MAGEA11: variants seen among roughly 807,000 people sequenced by gnomAD.
MAGEA11 encodes the protein melanoma-associated antigen 11.
Under a neutral mutation model 8.4 loss-of-function variants are expected in MAGEA11, and 1 was observed. That is an observed-to-expected ratio of 0.12 (90% CI 0.04 to 0.57). The LOEUF (loss-of-function observed/expected upper bound fraction) is 0.57, where lower values mean the gene tolerates loss of function less well. Ranked by LOEUF, MAGEA11 falls within the 20% of genes least tolerant of loss-of-function variation. MAGEA11 has a pLI of 0.91. For synonymous variants in MAGEA11, 127 were observed against 119.3 expected (o/e 1.06, Z -0.42); for missense variants, 209 against 317.3 (o/e 0.66, Z 2.59).
chrX:149,711,201 GATTAA>G (rs1557361872), upstream of MAGEA11, among the ~76,000 whole-genome samples: 1 of 112,273 alleles, frequency 8.9e-6, no homozygotes, highest in Non-Finnish European at 1.9e-5. Context: ...ATAAAGAATG[GATTAA>G]ATTAGAGTAT....
At chrX:149,697,290 A>G (rs186648535) in intron 1 of MAGEA11, among the ~76,000 whole-genome samples, 261 of 110,645 alleles carry the variant, frequency 2.4e-3, no homozygotes, top group African/African-American at 7.8e-3. Context: ...CATTCTTCTC[A>G]CTTGGCACCC....
chrX:149,716,810 A>G lies in MAGEA11; in HGVS notation c.*34A>G. The G allele has an allele frequency of 8.8e-7, 1 of 1,136,900 alleles. No individual in the cohort carries two copies. The highest frequency in any genetic ancestry group is 1.2e-6 in the Non-Finnish European group (1 of 845,623). The allele number at this position is 1,136,900 out of a possible 1,213,427, so 93.7% of individuals were successfully genotyped here. A position where few individuals can be genotyped will look rare whatever the true frequency, so the allele number is the denominator to read the frequency against. ...TGCAACCAGGGCCAGCGGGCAGGGA[A>G]ATGGGCCAATGCATGCTTCAGGGCC... On this transcript the variant is annotated 3_prime_UTR_variant, in exon 5 of 5. Coordinates refer to ENST00000355220, the MANE Select transcript of MAGEA11 (RefSeq NM_005366.5).
chrX:149,702,363 T>G (rs1165019499), intron 1 of MAGEA11, among the ~76,000 whole-genome samples: 5 of 111,926 alleles, frequency 4.5e-5, no homozygotes, highest in African/African-American at 1.6e-4. Context: ...ACATATATGT[T>G]TATAATGTTT....
upstream of MAGEA11, among the ~76,000 whole-genome samples, chrX:149,710,848 G>A (rs2090396901): frequency 9.1e-6 from 1 of 110,451 alleles, no homozygotes; most frequent in African/African-American, 3.3e-5. Context: ...ATAAATAAAG[G>A]AACAAGCAAA....
In MAGEA11 at chrX:149,713,139, T is replaced by G; in HGVS notation, c.-17-4T>G. The G allele has an allele frequency of 8.5e-7, 1 of 1,180,643 alleles. No individual in the cohort carries two copies. The highest frequency in any genetic ancestry group is 1.2e-6 in the Non-Finnish European group (1 of 869,360). The stretch of plus-strand genomic sequence containing the variant: ...GTCTCAAACTGAGGTGCCTTTTCAT[T>G]CAGCCTTGGGAATCTGAGGGATGGA... On this transcript the variant is annotated splice_region_variant and splice_polypyrimidine_tract_variant and intron_variant, in intron 1 of 4. Transcript: ENST00000355220.
At chrX:149,697,329 G>A (rs1557360625) in intron 1 of MAGEA11, among the ~76,000 whole-genome samples, 2 of 111,209 alleles carry the variant, frequency 1.8e-5, no homozygotes, top group Non-Finnish European at 3.8e-5. Context: ...CCCTCTCAGG[G>A]CTCCTCACAG....
At chrX:149,706,701 T>C (rs2090378933) in intron 1 of MAGEA11, among the ~76,000 whole-genome samples, 1 of 111,761 alleles carries the variant, frequency 8.9e-6, no homozygotes, top group Admixed American at 9.5e-5. Context: ...ATTGGAGAGC[T>C]GCAATTCCAA....
upstream of MAGEA11, among the ~76,000 whole-genome samples, chrX:149,710,627 T>TTTTTTC (rs1233563151): frequency 1.3e-4 from 14 of 110,735 alleles, no homozygotes; most frequent in Non-Finnish European, 2.1e-4. Context: ...TTTTCATTTC[T>TTTTTTC]TTTTTCTTTT....
chrX:149,699,164 T>G (rs2090341583), intron 1 of MAGEA11, among the ~76,000 whole-genome samples: 1 of 112,141 alleles, frequency 8.9e-6, no homozygotes, highest in South Asian at 3.7e-4. Context: ...TAATCTCTAC[T>G]TAATCACAAT....
At chrX:149,696,821 C>A (rs1569561337) in intron 1 of MAGEA11, among the ~76,000 whole-genome samples, 1 of 111,920 alleles carries the variant, frequency 8.9e-6, no homozygotes, top group African/African-American at 3.2e-5. Flanking sequence ...GGCTTCTGGC[C>A]CTAGCATTTC....
chrX:149,710,681 T>C (rs1051409491), upstream of MAGEA11, among the ~76,000 whole-genome samples: 2 of 109,426 alleles, frequency 1.8e-5, no homozygotes, highest in African/African-American at 6.7e-5. Context: ...GGTCTTGTTA[T>C]GTAGTTCAGA....
chrX:149,704,601 G>A (rs191399987), intron 1 of MAGEA11, among the ~76,000 whole-genome samples: 118 of 112,223 alleles, frequency 1.1e-3, no homozygotes, highest in Non-Finnish European at 1.8e-3. Context: ...ATATATGCCA[G>A]GAAGTCCAGC....
At chrX:149,688,655 C>CATAT (rs2090296738), upstream of MAGEA11, among the ~76,000 whole-genome samples, 99 of 80,142 alleles carry the variant, frequency 1.2e-3, 1 homozygote, top group African/African-American at 4.6e-3. Flanking sequence ...TATACATATA[C>CATAT]ACATACATAT....
At chrX:149,693,728 CTCT>C (rs1380695283) in intron 1 of MAGEA11, among the ~76,000 whole-genome samples, 4 of 112,094 alleles carry the variant, frequency 3.6e-5, no homozygotes, top group Non-Finnish European at 5.6e-5. Flanking sequence ...TTTCCGTTCC[CTCT>C]TCTTCTAGCT....
At position 149,692,728 on chromosome X, in the gene MAGEA11, C is replaced by A. The variant is rs1188669196; in HGVS notation, c.9+3744C>A. Among the ~76,000 whole-genome samples the A allele has an allele frequency of 6.3e-5, 7 of 111,639 alleles. No homozygotes were observed. In the East Asian group the frequency reaches 2.0e-3, roughly 31 times the overall value. On this transcript the variant is annotated intron_variant, in intron 1 of 3. Coordinates refer to the MAGEA11 transcript ENST00000333104. Reference sequence around the variant, plus strand: ...ACATGTCGATATGGTTTGGCTGTGTCCCCACCCAAATCTCATCTTGAATTC... The same window carrying A: ...ACATGTCGATATGGTTTGGCTGTGTACCCACCCAAATCTCATCTTGAATTC...
upstream of MAGEA11, among the ~76,000 whole-genome samples, chrX:149,710,181 C>A (rs1402064876): frequency 9.0e-6 from 1 of 111,637 alleles, no homozygotes; most frequent in Non-Finnish European, 1.9e-5. Flanking sequence ...ATAGAAAATA[C>A]CCCATTCACA....
intron 1 of MAGEA11, among the ~76,000 whole-genome samples, chrX:149,696,580 C>T (rs1039504894): frequency 1.8e-5 from 2 of 110,540 alleles, no homozygotes; most frequent in Non-Finnish European, 3.8e-5. Context: ...GGGGCAAATC[C>T]GAGGGAGGAG....
chrX:149,706,789 T>C (rs1256371941), intron 1 of MAGEA11, among the ~76,000 whole-genome samples: 1 of 112,117 alleles, frequency 8.9e-6, no homozygotes, highest in Non-Finnish European at 1.9e-5. Flanking sequence ...TGATGGGGGC[T>C]CAGAGATGGG....
At chrX:149,714,255 A>G (rs1366908473) in intron 2 of MAGEA11, 1 of 455,610 alleles carries the variant, frequency 2.2e-6, no homozygotes, top group African/African-American at 2.5e-5. Context: ...AAGTTGGGAA[A>G]CCTTCAGGGA....
Sources: gnomAD v4.1 joint callset for allele counts (sites outside exome capture counted in the v4.1 genomes callset) on GRCh38, gnomAD v4.1.1 for gene constraint, MANE v1.5 for transcripts, NCBI Gene and HGNC (gene_info 2026-07-23, HGNC 2026-07-21) for gene names.